The following CCSER1 variants were observed in gnomAD, a reference collection of about 807,000 sequenced individuals.
CCSER1 encodes serine-rich coiled-coil domain-containing protein 1.
CCSER1 carries 41 observed loss-of-function variants against 82.0 expected under a neutral mutation model. That is an observed-to-expected ratio of 0.50 (90% confidence interval 0.39 to 0.65). The LOEUF is 0.65. Among genes scored for constraint, CCSER1 ranks in the 30% least tolerant of loss-of-function variants. The probability of loss-of-function intolerance (pLI) is 0.00; values close to 1 mark genes in which losing one functional copy is unlikely to be tolerated. For missense variants in CCSER1, 1,119 were observed against 1,064.2 expected (o/e 1.05, Z -0.72); for synonymous variants, 414 against 383.9 (o/e 1.08, Z -0.92).
At chr4:90,390,842 G>A (rs1214662800) in intron 3 of CCSER1, among the ~76,000 whole-genome samples, 1 of 152,122 alleles carries the variant, frequency 6.6e-6, no homozygotes, top group Admixed American at 6.5e-5. Flanking sequence ...TTCGTTTTAA[G>A]TTCTCTGAGA....
chr4:90,470,243 C>T (rs929023362), intron 5 of CCSER1, among the ~76,000 whole-genome samples: 1 of 151,924 alleles, frequency 6.6e-6, no homozygotes, highest in African/African-American at 2.4e-5. Context: ...TTCAGCAGAC[C>T]TGGAAGGTAT....
intron 5 of CCSER1, among the ~76,000 whole-genome samples, chr4:90,534,420 A>C (rs1014514195): frequency 4.7e-5 from 7 of 150,284 alleles, no homozygotes; most frequent in South Asian, 2.1e-4. Context: ...TGAGCCACCG[A>C]GCCCAGGCTG....
intron 3 of CCSER1, among the ~76,000 whole-genome samples, chr4:90,313,634 G>A (rs1392915445): frequency 2.0e-5 from 3 of 152,128 alleles, no homozygotes; most frequent in Non-Finnish European, 4.4e-5. Context: ...GAGGTGGGGT[G>A]TGTGGGGAGA....
intron 10 of CCSER1, among the ~76,000 whole-genome samples, chr4:91,532,923 T>TA (rs1455360699): frequency 6.6e-6 from 1 of 152,114 alleles, no homozygotes; most frequent in African/African-American, 2.4e-5. Flanking sequence ...ACTCTATTTT[T>TA]ATAGCCATTT....
chr4:90,919,089 T>TAAAAAAAAAAAAAAAAAAAAAAAAAAAA (rs71596538), intron 8 of CCSER1, among the ~76,000 whole-genome samples: 1 of 87,224 alleles, frequency 1.1e-5, no homozygotes, highest in Non-Finnish European at 2.4e-5. Context: ...GTTTCCACAG[T>TAAAAAAAAAAAAAAAAAAAAAAAAAAAA]AAAAAAAAAA....
chr4:90,454,911 C>A (rs1761979571), intron 4 of CCSER1, among the ~76,000 whole-genome samples: 1 of 152,094 alleles, frequency 6.6e-6, no homozygotes, highest in Admixed American at 6.5e-5. Flanking sequence ...TATTTGCCAG[C>A]CTGTTGTAGG....
chr4:90,922,617 T>A (rs193072690), intron 8 of CCSER1, among the ~76,000 whole-genome samples: 2 of 152,188 alleles, frequency 1.3e-5, no homozygotes, highest in Admixed American at 1.3e-4. Flanking sequence ...ACATGAGTGG[T>A]ATTTACAGTA....
Position 90,831,952 on chromosome 4 carries a change from G to T in CCSER1, c.2094+16107G>T, listed in dbSNP as rs1372860592. Among the ~76,000 whole-genome samples the T allele has an allele frequency of 2.6e-5, 4 of 151,608 alleles. No homozygotes were observed. In the East Asian group the frequency reaches 7.7e-4, roughly 29 times the overall value. ...ATAATGGCTATATGTTTTGTATCTT[G>T]CTTTCTAATAATTGTATATCACATA... On this transcript the variant is annotated intron_variant, in intron 8 of 10. Coordinates refer to ENST00000509176, the MANE Select transcript of CCSER1 (RefSeq NM_001145065.2).
intron 10 of CCSER1, among the ~76,000 whole-genome samples, chr4:91,226,579 T>C (rs1167597610): frequency 1.3e-5 from 2 of 151,946 alleles, no homozygotes; most frequent in East Asian, 1.9e-4. Flanking sequence ...GGAAAGTGTC[T>C]CTTTAATGGA....
chr4:91,168,905 A>AC (rs1732459435), intron 10 of CCSER1, among the ~76,000 whole-genome samples: 1 of 152,064 alleles, frequency 6.6e-6, no homozygotes, highest in African/African-American at 2.4e-5. Context: ...CTTACCCCCA[A>AC]CCCCGTGCTC....
chr4:91,401,994 G>A (rs1012959460), intron 10 of CCSER1, among the ~76,000 whole-genome samples: 1 of 152,182 alleles, frequency 6.6e-6, no homozygotes, highest in Non-Finnish European at 1.5e-5. Flanking sequence ...CACAATGGTT[G>A]AACTAGTTTA....
chr4:90,982,106 C>T (rs1009719874), intron 9 of CCSER1, among the ~76,000 whole-genome samples: 4 of 151,768 alleles, frequency 2.6e-5, no homozygotes, highest in Admixed American at 1.3e-4. Context: ...ATTAAAATAT[C>T]ATAAACTGGG....
At chr4:90,672,705 A>G (rs1725000625) in intron 6 of CCSER1, among the ~76,000 whole-genome samples, 1 of 152,038 alleles carries the variant, frequency 6.6e-6, no homozygotes, top group Non-Finnish European at 1.5e-5. Context: ...CACTGAGCTA[A>G]ATCATTTGTA....
At chr4:91,251,215 G>T (rs1401475951) in intron 10 of CCSER1, among the ~76,000 whole-genome samples, 1 of 152,122 alleles carries the variant, frequency 6.6e-6, no homozygotes, top group East Asian at 1.9e-4. Flanking sequence ...AGATCAGGGT[G>T]CCAGCATGGT....
At chr4:90,806,660 A>G (rs530900072) in intron 7 of CCSER1, among the ~76,000 whole-genome samples, 1 of 152,210 alleles carries the variant, frequency 6.6e-6, no homozygotes, top group South Asian at 2.1e-4. Flanking sequence ...GGGTGATCTG[A>G]AGCAAAGGCT....
At position 90,816,348 on chromosome 4, in the gene CCSER1, G is replaced by A. The variant is rs2149767401; in HGVS notation, c.2094+503G>A. On this transcript the variant is annotated intron_variant, in intron 8 of 10. Coordinates refer to ENST00000509176, the MANE Select transcript of CCSER1 (RefSeq NM_001145065.2). ...TTATGTAAAAATTATACAAAAATAT[G>A]CAGTGTGTGTGGTTCAGGTTTTAGA... Among the ~76,000 whole-genome samples, 2 of 152,148 alleles carry A rather than the reference G, an allele frequency of 1.3e-5. 1 individual carries two copies. Among genetic ancestry groups the A allele is most frequent in the Middle Eastern group, 6.8e-3 (2 of 294 alleles).
At chr4:90,293,534 C>T (rs1271163063) in intron 1 of CCSER1, among the ~76,000 whole-genome samples, 2 of 151,000 alleles carry the variant, frequency 1.3e-5, no homozygotes, top group Non-Finnish European at 3.0e-5. Flanking sequence ...CTCCTGCACC[C>T]TCTGCTGCTA....
chr4:91,401,989 T>G (rs1056961899), intron 10 of CCSER1, among the ~76,000 whole-genome samples: 2 of 152,230 alleles, frequency 1.3e-5, no homozygotes, highest in Non-Finnish European at 2.9e-5. Flanking sequence ...TCTTCCACAA[T>G]GGTTGAACTA....
intron 10 of CCSER1, among the ~76,000 whole-genome samples, chr4:91,573,383 T>C (rs2110291031): frequency 6.6e-6 from 1 of 152,284 alleles, no homozygotes; most frequent in East Asian, 1.9e-4. Context: ...CCCTCTTTCC[T>C]AGTAGTATAC....
Sources: gnomAD v4.1 joint callset for allele counts (sites outside exome capture counted in the v4.1 genomes callset) on GRCh38, gnomAD v4.1.1 for gene constraint, MANE v1.5 for transcripts, NCBI Gene and HGNC (gene_info 2026-07-23, HGNC 2026-07-21) for gene names.